The following MAPKAPK2 variants were observed in gnomAD, a reference collection of about 807,000 sequenced individuals.
MAPKAPK2 encodes MAPK activated protein kinase 2.
Under a neutral mutation model 48.8 loss-of-function variants are expected in MAPKAPK2, and 9 were observed. That is an observed-to-expected ratio of 0.18 (90% CI 0.11 to 0.32). MAPKAPK2 has a LOEUF of 0.32. Ranked by LOEUF, MAPKAPK2 falls within the 10% of genes least tolerant of loss-of-function variation. The pLI, the probability that MAPKAPK2 is intolerant of heterozygous loss-of-function variation, is 1.00. For missense variants in MAPKAPK2, 331 were observed against 498.3 expected (o/e 0.66, Z 3.20); for synonymous variants, 202 against 190.6 (o/e 1.06, Z -0.49).
chr1:206,690,906 C>G (rs1672436580), intron 1 of MAPKAPK2, among the ~76,000 whole-genome samples: 1 of 152,200 alleles, frequency 6.6e-6, no homozygotes, highest in East Asian at 1.9e-4. Flanking sequence ...TCAGGCCCTG[C>G]CAAGTGTCAT....
rs1553432818 is a variant in MAPKAPK2, at chr1:206,732,083, A to G, written c.1059+164A>G. 5 of 1,614,064 alleles carry G rather than the reference A, an allele frequency of 3.1e-6. No homozygotes were observed. The African/African-American group carries it at 6.7e-5, about 22-fold the overall frequency. On this transcript the variant is annotated intron_variant, in intron 9 of 9. Coordinates refer to ENST00000367103, the MANE Select transcript of MAPKAPK2 (RefSeq NM_032960.4). The surrounding 1 kb of genome is among the most constrained non-coding windows in gnomAD (Gnocchi z 4.4). ...CAGCGACCAGGCCACTTGGCTGACC[A>G]GGTTGTGAGCAGAGGATTCTGTGTT...
chr1:206,688,636 T>C (rs1024577240), intron 1 of MAPKAPK2, among the ~76,000 whole-genome samples: 1 of 152,144 alleles, frequency 6.6e-6, no homozygotes, highest in Admixed American at 6.5e-5. Flanking sequence ...AATTCTATTA[T>C]TTTTATTTTT....
At position 206,704,049 on chromosome 1, in the gene MAPKAPK2, G is replaced by A. The variant is rs1184326264; in HGVS notation, c.279+18541G>A. Among the ~76,000 whole-genome samples the A allele has an allele frequency of 1.3e-5, 2 of 152,210 alleles. No individual in the cohort carries two copies. ...TGCTTCATTATGAATGAAGCAAAAAGCCTATCCCAGGAAATCACAGAGGCT... is the reference window on the plus strand; with the variant it reads ...TGCTTCATTATGAATGAAGCAAAAAACCTATCCCAGGAAATCACAGAGGCT... On this transcript the variant is annotated intron_variant, in intron 1 of 9. Transcript: ENST00000367103. This position sits in a 1 kb window ranked among gnomAD's most constrained non-coding sequence, Gnocchi z 4.3.
intron 1 of MAPKAPK2, among the ~76,000 whole-genome samples, chr1:206,722,848 C>T (rs190552067): frequency 1.1e-4 from 16 of 152,364 alleles, no homozygotes; most frequent in Admixed American, 4.6e-4. Context: ...GCACCCGGGC[C>T]AGCCATCCTC....
At chr1:206,718,257 C>T (rs1388568562) in intron 1 of MAPKAPK2, among the ~76,000 whole-genome samples, 3 of 152,160 alleles carry the variant, frequency 2.0e-5, no homozygotes, top group Admixed American at 1.3e-4. Flanking sequence ...GTTGCCCGGG[C>T]GCTGTGGCTT....
chr1:206,716,554 TCTC>T (rs1224458896), intron 1 of MAPKAPK2, among the ~76,000 whole-genome samples: 2 of 152,132 alleles, frequency 1.3e-5, no homozygotes, highest in African/African-American at 4.8e-5. Flanking sequence ...CTCTGTCAAC[TCTC>T]CTCCACCCCC....
Position 206,704,051 on chromosome 1 carries a change from C to T in MAPKAPK2, c.279+18543C>T, listed in dbSNP as rs906305352. Among the ~76,000 whole-genome samples, 6 of 152,220 alleles carry T rather than the reference C, an allele frequency of 3.9e-5. No individual in the cohort carries two copies. Among genetic ancestry groups the T allele is most frequent in the African/African-American group, 1.4e-4 (6 of 41,460 alleles). On this transcript the variant is annotated intron_variant, in intron 1 of 9. Coordinates refer to ENST00000367103, the MANE Select transcript of MAPKAPK2 (RefSeq NM_032960.4). This position sits in a 1 kb window ranked among gnomAD's most constrained non-coding sequence, Gnocchi z 4.3. The stretch of plus-strand genomic sequence containing the variant: ...CTTCATTATGAATGAAGCAAAAAGC[C>T]TATCCCAGGAAATCACAGAGGCTGA...
chr1:206,685,315 C>T lies in MAPKAPK2; in HGVS notation c.86C>T (p.Pro29Leu). The T allele has an allele frequency of 7.7e-7, 1 of 1,294,166 alleles. No homozygotes were observed. Among genetic ancestry groups the T allele is most frequent in the Non-Finnish European group, 1.0e-6 (1 of 968,110 alleles). 80.2% of individuals were successfully genotyped at this position (1,294,166 alleles called of 1,614,324 possible). ...PPPQPPTPALPHPPAQPPPPP... is the reference protein window; with the variant it reads ...PPPQPPTPALLHPPAQPPPPP... ...CCGCAGCCCCCCACCCCTGCCCTGC[C>T]GCACCCCCCGGCGCAGCCGCCGCCG... Residue 29 changes from proline (P) to leucine (L), a missense_variant, in exon 1 of 10, where the codon CCG (proline) becomes CTG (leucine). Physicochemically the swap from Pro to Leu is moderately conservative, Grantham distance 98. This residue lies in a region of MAPKAPK2 where 93 missense variants were observed against 81.0 expected (regional missense o/e 1.15). Coordinates refer to ENST00000367103, the MANE Select transcript of MAPKAPK2 (RefSeq NM_032960.4).
In MAPKAPK2 at chr1:206,686,031, C is replaced by T. The variant is rs180968364; in HGVS notation, c.279+523C>T. ...TGTGTGATTTCACTTCCCCGAGCCT[C>T]GCGAGGGCAGCCGGGCCGCCTTGGG... On this transcript the variant is annotated intron_variant, in intron 1 of 9. Transcript: ENST00000367103. Among the ~76,000 whole-genome samples the T allele has an allele frequency of 1.6e-3, 242 of 152,082 alleles. 4 individuals carry two copies. The highest frequency in any genetic ancestry group is 0.014 in the Admixed American group (211 of 15,300).
chr1:206,689,568 A>C (rs1340473889), intron 1 of MAPKAPK2, among the ~76,000 whole-genome samples: 1 of 152,228 alleles, frequency 6.6e-6, no homozygotes, highest in Non-Finnish European at 1.5e-5. Flanking sequence ...CAGTTTGCTG[A>C]ATATCTATCA....
chr1:206,712,967 C>CACACACACAA, intron 1 of MAPKAPK2, among the ~76,000 whole-genome samples: 1 of 140,898 alleles, frequency 7.1e-6, no homozygotes, highest in Non-Finnish European at 1.6e-5. Flanking sequence ...CTCCATCACA[C>CACACACACAA]ACACACACAC....
chr1:206,734,004 C>T lies in MAPKAPK2; in HGVS notation c.*1286C>T, dbSNP rs1328803125. 6.5e-6 allele frequency: 1 copy of T among 152,770 alleles called. No individual in the cohort carries two copies. Among genetic ancestry groups the T allele is most frequent in the Non-Finnish European group, 1.5e-5 (1 of 68,148 alleles). The allele number at this position is 152,770 out of a possible 1,614,324, so 9.5% of individuals were successfully genotyped here. A position where few individuals can be genotyped will look rare whatever the true frequency, so the allele number is the denominator to read the frequency against. On this transcript the variant is annotated 3_prime_UTR_variant, in exon 10 of 10. Coordinates refer to ENST00000367103, the MANE Select transcript of MAPKAPK2 (RefSeq NM_032960.4). ...CTTCGGGGCCGGTGAGGGGAGGGGC[C>T]TCCCCCAGCACAGATGAGGAGCAGC...
At position 206,692,370 on chromosome 1, in the gene MAPKAPK2, A is replaced by G. The variant is rs369627662; in HGVS notation, c.279+6862A>G. 5.9e-5 allele frequency among the ~76,000 whole-genome samples: 9 copies of G among 152,338 alleles called. 2 individuals are homozygous for G. Among genetic ancestry groups the G allele is most frequent in the African/African-American group, 2.2e-4 (9 of 41,574 alleles). ...TCAGCCCCTCAGACCAGGCTGAGTAAGAAGAGATATCAGGAATCCAAGGAA... is the reference window on the plus strand; with the variant it reads ...TCAGCCCCTCAGACCAGGCTGAGTAGGAAGAGATATCAGGAATCCAAGGAA... On this transcript the variant is annotated intron_variant, in intron 1 of 9. Coordinates refer to ENST00000367103, the MANE Select transcript of MAPKAPK2 (RefSeq NM_032960.4).
Position 206,728,044 on chromosome 1 carries a change from T to A in MAPKAPK2, c.280-666T>A, listed in dbSNP as rs534413207. Among the ~76,000 whole-genome samples the A allele has an allele frequency of 2.1e-4, 32 of 152,262 alleles. No individual in the cohort carries two copies. The South Asian group carries it at 5.8e-3, about 28-fold the overall frequency. Reference sequence around the variant, plus strand: ...CAGGTCAAGATTGAACCCCTGAGGCTGGTGAGAAGCCAGCCTCCTTTAATA... The same window carrying A: ...CAGGTCAAGATTGAACCCCTGAGGCAGGTGAGAAGCCAGCCTCCTTTAATA... On this transcript the variant is annotated intron_variant, in intron 1 of 9. Coordinates refer to ENST00000367103, the MANE Select transcript of MAPKAPK2 (RefSeq NM_032960.4).
At chr1:206,687,371 C>G (rs571613776) in intron 1 of MAPKAPK2, among the ~76,000 whole-genome samples, 5 of 152,282 alleles carry the variant, frequency 3.3e-5, no homozygotes, top group African/African-American at 1.2e-4. Context: ...AAGGAAAAAT[C>G]CAGCAGCGTG....
chr1:206,730,129 C>T (rs1057270262), intron 5 of MAPKAPK2, 31 bp downstream of exon 5: 3 of 1,613,180 alleles, frequency 1.9e-6, no homozygotes, highest in East Asian at 4.5e-5. Context: ...GGGACCTAGG[C>T]TTTTCCCAGA....
Position 206,732,792 on chromosome 1 carries a change from C to G in MAPKAPK2, c.*74C>G. The G allele has an allele frequency of 6.5e-7, 1 of 1,529,456 alleles. No individual in the cohort carries two copies. Among genetic ancestry groups the G allele is most frequent in the South Asian group, 1.2e-5 (1 of 84,276 alleles). The allele number at this position is 1,529,456 out of a possible 1,614,324, so 94.7% of individuals were successfully genotyped here. On this transcript the variant is annotated 3_prime_UTR_variant, in exon 10 of 10. Transcript: ENST00000367103. This position sits in a 1 kb window ranked among gnomAD's most constrained non-coding sequence, Gnocchi z 4.4. ...GGAATATATTTTTTAAACGAAGAGA[C>G]AGAACTGTCCACATCTGCCTCCTCT... is the stretch of plus-strand genomic sequence containing the variant.
At chr1:206,722,880 C>T (rs1271975936) in intron 1 of MAPKAPK2, among the ~76,000 whole-genome samples, 2 of 152,224 alleles carry the variant, frequency 1.3e-5, no homozygotes, top group South Asian at 2.1e-4. Flanking sequence ...GCAGAGGCGC[C>T]GGTGGTCCGG....
At position 206,685,249 on chromosome 1, in the gene MAPKAPK2, G is replaced by A. The variant is rs1284284124; in HGVS notation, c.20G>A (p.Gly7Asp). 3.1e-5 allele frequency: 19 copies of A among 619,208 alleles called. No homozygotes were observed. In the African/African-American group the frequency reaches 3.6e-4, roughly 12 times the overall value. The allele number at this position is 619,208 out of a possible 1,614,324, so 38.4% of individuals were successfully genotyped here. The change falls in exon 1 of 10, where the codon GGC becomes GAC. Residue 7 changes from glycine to aspartate, a missense_variant. Around this residue, in one of 4 missense-constraint regions of MAPKAPK2, gnomAD observed 93 missense variants for 81.0 expected, o/e 1.15. Coordinates refer to ENST00000367103, the MANE Select transcript of MAPKAPK2 (RefSeq NM_032960.4). ...GGCACCATGCTGTCCAACTCCCAGG[G>A]CCAGAGCCCGCCGGTGCCGTTCCCC... is the stretch of plus-strand genomic sequence containing the variant. MLSNSQ[G>D]QSPPVPFPAP...
Sources: gnomAD v4.1 joint callset for allele counts (sites outside exome capture counted in the v4.1 genomes callset) on GRCh38, gnomAD v4.1.1 for gene constraint, gnomAD v4.1.1 regional missense constraint, Gnocchi (gnomAD v3.1) non-coding constraint, MANE v1.5 for transcripts, NCBI Gene and HGNC (gene_info 2026-07-23, HGNC 2026-07-21) for gene names.